RUNDC3B: variants seen among roughly 807,000 people sequenced by gnomAD.
RUNDC3B encodes the protein RUN domain containing 3B, also known as RUN domain-containing protein 3B.
In RUNDC3B, 33 loss-of-function variants were observed where a neutral mutation model predicts 58.4. The observed-to-expected ratio is 0.56, with a 90% CI of 0.43 to 0.75. The LOEUF (loss-of-function observed/expected upper bound fraction) is 0.75, where lower values mean the gene tolerates loss of function less well. Among genes scored for constraint, RUNDC3B ranks in the 30% least tolerant of loss-of-function variants. The pLI is 0.00. For synonymous variants in RUNDC3B, 193 were observed against 195.2 expected (o/e 0.99, Z 0.10); for missense variants, 501 against 535.7 (o/e 0.94, Z 0.64).
rs1045689712 is a variant in RUNDC3B at position 87,830,060 on chromosome 7, A to G, written c.*30A>G. ...TTTTGTGTAAAAGCCAAAACTTTTT[A>G]TGTTGTAAATGTTTAATTTACATGT... On this transcript the variant is annotated 3_prime_UTR_variant, in exon 11 of 11. Coordinates refer to ENST00000394654, the MANE Select transcript of RUNDC3B (RefSeq NM_001134405.2). The G allele has an allele frequency of 6.9e-7, 1 of 1,459,196 alleles. No homozygotes were observed. The allele number at this position is 1,459,196 out of a possible 1,614,324, so 90.4% of individuals were successfully genotyped here. A position where few individuals can be genotyped will look rare whatever the true frequency, so the allele number is the denominator to read the frequency against.
chr7:87,661,010 G>A (rs1417364921), intron 2 of RUNDC3B, among the ~76,000 whole-genome samples: 2 of 151,874 alleles, frequency 1.3e-5, no homozygotes, highest in Non-Finnish European at 2.9e-5. Context: ...AGAAGAAGAT[G>A]TATTCTTAAT....
At chr7:87,741,647 T>C in intron 6 of RUNDC3B, 68 bp downstream of exon 6, 1 of 895,268 alleles carries the variant, frequency 1.1e-6, no homozygotes, top group Non-Finnish European at 1.7e-6. Flanking sequence ...GCAATGTTTG[T>C]CTGATCAAAA....
At chr7:87,651,892 G>A (rs1823611273) in intron 2 of RUNDC3B, among the ~76,000 whole-genome samples, 1 of 152,108 alleles carries the variant, frequency 6.6e-6, no homozygotes, top group South Asian at 2.1e-4. Flanking sequence ...AACGGGGTTT[G>A]TAAAATTGCT....
intron 9 of RUNDC3B, 26 bp from the exon 10 acceptor site, chr7:87,816,115 A>C (rs1837016000): frequency 1.3e-6 from 2 of 1,521,342 alleles, no homozygotes; most frequent in Non-Finnish European, 1.8e-6. Flanking sequence ...AAGAAATTCA[A>C]GTAGTATTTC....
At chr7:87,736,483 G>A (rs2130803213) in intron 4 of RUNDC3B, among the ~76,000 whole-genome samples, 1 of 151,778 alleles carries the variant, frequency 6.6e-6, no homozygotes, top group African/African-American at 2.4e-5. Flanking sequence ...TTCTTATAAG[G>A]GCATTATTTT....
chr7:87,769,406 TTA>T (rs1490290571), intron 6 of RUNDC3B, among the ~76,000 whole-genome samples: 2 of 152,108 alleles, frequency 1.3e-5, no homozygotes, highest in East Asian at 3.9e-4. Context: ...GTACTAGGGT[TTA>T]TTTCTGCCAT....
chr7:87,709,347 A>T, intron 3 of RUNDC3B: 1 of 985,344 alleles, frequency 1.0e-6, no homozygotes, highest in African/African-American at 1.7e-5. Flanking sequence ...TGTCTTTTAG[A>T]TGAAATTTCA....
At chr7:87,641,391 A>G (rs1289898349) in intron 1 of RUNDC3B, among the ~76,000 whole-genome samples, 2 of 152,168 alleles carry the variant, frequency 1.3e-5, no homozygotes, top group South Asian at 4.1e-4. Flanking sequence ...CTTTCATCCA[A>G]TCAGGGACTG....
intron 8 of RUNDC3B, among the ~76,000 whole-genome samples, chr7:87,780,907 A>T (rs760239517): frequency 6.6e-6 from 1 of 152,150 alleles, no homozygotes; most frequent in Non-Finnish European, 1.5e-5. Context: ...TATAGTTTAA[A>T]GTCGGGTAAT....
At chr7:87,714,445 T>C (rs1211364314) in intron 4 of RUNDC3B, among the ~76,000 whole-genome samples, 1 of 152,278 alleles carries the variant, frequency 6.6e-6, no homozygotes, top group African/African-American at 2.4e-5. Context: ...CATTTGTATA[T>C]AGAAGTACAG....
intron 7 of RUNDC3B, among the ~76,000 whole-genome samples, chr7:87,775,698 T>C (rs1027382911): frequency 6.6e-6 from 1 of 152,190 alleles, no homozygotes; most frequent in Non-Finnish European, 1.5e-5. Context: ...TTATACCATA[T>C]TTTTACTGTC....
intron 6 of RUNDC3B, among the ~76,000 whole-genome samples, chr7:87,744,238 G>T (rs1330401605): frequency 6.6e-6 from 1 of 152,174 alleles, no homozygotes; most frequent in African/African-American, 2.4e-5. Flanking sequence ...TTTGAAATCA[G>T]ATAGGGTGAT....
At chr7:87,687,556 C>A (rs1053794802) in intron 2 of RUNDC3B, among the ~76,000 whole-genome samples, 1 of 152,144 alleles carries the variant, frequency 6.6e-6, no homozygotes, top group African/African-American at 2.4e-5. Flanking sequence ...CTAAGATCTT[C>A]ATCTGTTTTG....
At chr7:87,781,746 C>T (rs753775391) in intron 8 of RUNDC3B, among the ~76,000 whole-genome samples, 37 of 151,720 alleles carry the variant, frequency 2.4e-4, no homozygotes, top group Non-Finnish European at 4.1e-4. Context: ...TATGATCATA[C>T]GGTTTTTGTT....
rs555644847 is a variant in RUNDC3B at position 87,717,214 on chromosome 7, A to G, written c.458+6559A>G. On this transcript the variant is annotated intron_variant, in intron 4 of 10. Transcript: ENST00000394654. The stretch of plus-strand genomic sequence containing the variant: ...TAATGGAGGTATTCTATATCAGGAC[A>G]CCTGTAATACATTCAAGAATGTAGC... Among the ~76,000 whole-genome samples, 5 of 152,290 alleles carry G rather than the reference A, an allele frequency of 3.3e-5. No individual in the cohort carries two copies. The East Asian group carries it at 9.6e-4, about 29-fold the overall frequency.
In RUNDC3B at chr7:87,830,037, T is replaced by G. The variant is rs949991063; in HGVS notation, c.*7T>G. ...AGGCCTAACTCCATCCTGAAAATTT[T>G]TGTGTAAAAGCCAAAACTTTTTATG... On this transcript the variant is annotated 3_prime_UTR_variant, in exon 11 of 11. Coordinates refer to ENST00000394654, the MANE Select transcript of RUNDC3B (RefSeq NM_001134405.2). The G allele has an allele frequency of 1.3e-6, 2 of 1,561,892 alleles. No individual in the cohort carries two copies. Among genetic ancestry groups the G allele is most frequent in the African/African-American group, 2.8e-5 (2 of 71,938 alleles).
chr7:87,802,155 G>A (rs767167185), intron 8 of RUNDC3B, among the ~76,000 whole-genome samples: 32 of 152,240 alleles, frequency 2.1e-4, no homozygotes, highest in South Asian at 8.3e-4. Context: ...ACTTTGGGAG[G>A]CCAAGGTTGG....
At chr7:87,801,058 A>G (rs535330698) in intron 8 of RUNDC3B, among the ~76,000 whole-genome samples, 74 of 152,326 alleles carry the variant, frequency 4.9e-4, no homozygotes, top group African/African-American at 1.8e-3. Flanking sequence ...AACACTTCAC[A>G]TGAGGTCAGG....
intron 4 of RUNDC3B, among the ~76,000 whole-genome samples, chr7:87,723,633 G>A (rs1331504600): frequency 6.6e-6 from 1 of 152,080 alleles, no homozygotes; most frequent in Non-Finnish European, 1.5e-5. Flanking sequence ...AAATTACACT[G>A]AATTGAAGGT....
Sources: gnomAD v4.1 joint callset for allele counts (sites outside exome capture counted in the v4.1 genomes callset) on GRCh38, gnomAD v4.1.1 for gene constraint, MANE v1.5 for transcripts, NCBI Gene and HGNC (gene_info 2026-07-23, HGNC 2026-07-21) for gene names.